CABCOCO1: variants seen among roughly 807,000 people sequenced by gnomAD.
CABCOCO1 encodes ciliary-associated calcium-binding coiled-coil protein 1.
Under a neutral mutation model 35.7 loss-of-function variants are expected in CABCOCO1, and 28 were observed. That is an observed-to-expected ratio of 0.78 (90% CI 0.58 to 1.07). The LOEUF is 1.07. Among genes scored for constraint, CABCOCO1 ranks in the 50% least tolerant of loss-of-function variants. The pLI, the probability that CABCOCO1 is intolerant of heterozygous loss-of-function variation, is 0.00. For synonymous variants in CABCOCO1, 95 were observed against 100.1 expected (o/e 0.95, Z 0.30); for missense variants, 326 against 309.2 (o/e 1.05, Z -0.41).
intron 5 of CABCOCO1, among the ~76,000 whole-genome samples, chr10:61,744,793 A>T (rs1841622013): frequency 4.6e-5 from 7 of 152,202 alleles, no homozygotes; most frequent in Admixed American, 4.6e-4. Flanking sequence ...GAAAAATGGC[A>T]AACACCATAG....
At chr10:61,670,477 C>A (rs995821955) in intron 1 of CABCOCO1, among the ~76,000 whole-genome samples, 3 of 151,980 alleles carry the variant, frequency 2.0e-5, no homozygotes, top group African/African-American at 7.3e-5. Context: ...ATTAGATTTT[C>A]AAAGATAAAA....
intron 5 of CABCOCO1, among the ~76,000 whole-genome samples, chr10:61,721,892 T>G (rs74661633): frequency 0.12 from 17,677 of 152,160 alleles, 1,373 homozygotes; most frequent in African/African-American, 0.19. Context: ...GAGAAAGATG[T>G]TGAACGTAAT....
chr10:61,711,726 C>T (rs1415727545), intron 5 of CABCOCO1, among the ~76,000 whole-genome samples: 1 of 151,912 alleles, frequency 6.6e-6, no homozygotes, highest in Non-Finnish European at 1.5e-5. Context: ...TAAAACAAGT[C>T]TAAATTAATT....
At position 61,686,085 on chromosome 10, in the gene CABCOCO1, G is replaced by C; in HGVS notation, c.379G>C (p.Val127Leu). ...LEESIKWLGE[V>L]MAEIGPTHSQ... Reference sequence around the variant, plus strand: ...GGAAAGCATAAAATGGCTTGGAGAAGTTATGGCTGAAATAGGACCAACACA... The same window carrying C: ...GGAAAGCATAAAATGGCTTGGAGAACTTATGGCTGAAATAGGACCAACACA... The change falls in exon 4 of 8, where the codon GTT becomes CTT. Residue 127 changes from valine to leucine, a missense_variant. By Grantham distance (32) the Val-to-Leu change is conservative. Transcript: ENST00000648843. 1 of 1,608,252 alleles carries C rather than the reference G, an allele frequency of 6.2e-7. No individual in the cohort carries two copies. Among genetic ancestry groups the C allele is most frequent in the Non-Finnish European group, 8.5e-7 (1 of 1,178,528 alleles).
At chr10:61,731,774 A>AGGAGGGAG (rs1227538653) in intron 5 of CABCOCO1, among the ~76,000 whole-genome samples, 2 of 84,282 alleles carry the variant, frequency 2.4e-5, no homozygotes, top group Non-Finnish European at 4.5e-5. Flanking sequence ...GAGGAAGGGA[A>AGGAGGGAG]GGAGGGAGGG....
At chr10:61,664,968 G>A in intron 1 of CABCOCO1, among the ~76,000 whole-genome samples, 1 of 152,104 alleles carries the variant, frequency 6.6e-6, no homozygotes, top group East Asian at 1.9e-4. Context: ...ATCGCTTATG[G>A]TGTCATTTCT....
chr10:61,763,064 T>C (rs1842038670), intron 7 of CABCOCO1, among the ~76,000 whole-genome samples: 1 of 152,092 alleles, frequency 6.6e-6, no homozygotes, highest in African/African-American at 2.4e-5. Context: ...TATATGCTAT[T>C]TGAACACACC....
intron 5 of CABCOCO1, among the ~76,000 whole-genome samples, chr10:61,705,422 T>C (rs927179488): frequency 1.3e-5 from 2 of 152,232 alleles, no homozygotes; most frequent in Non-Finnish European, 2.9e-5. Flanking sequence ...GCATTCCCAG[T>C]ACTCTGGAGA....
chr10:61,765,207 T>C lies in CABCOCO1; in HGVS notation c.817-732T>C, dbSNP rs112245301. ...GTCAACCACCACTGCTTTTTCTGTA[T>C]GTAATTTTATTATCCCTTGTGAAAA... is the stretch of plus-strand genomic sequence containing the variant. On this transcript the variant is annotated intron_variant, in intron 7 of 7. Coordinates refer to ENST00000648843, the MANE Select transcript of CABCOCO1 (RefSeq NM_001366906.2). Among the ~76,000 whole-genome samples, 974 of 152,262 alleles carry C rather than the reference T, an allele frequency of 6.4e-3. 8 individuals carry two copies. Among genetic ancestry groups the C allele is most frequent in the African/African-American group, 0.021 (866 of 41,558 alleles).
chr10:61,760,215 C>T (rs748762315), intron 6 of CABCOCO1, 34 bp downstream of exon 6: 1 of 1,600,184 alleles, frequency 6.2e-7, no homozygotes, highest in South Asian at 1.1e-5. Flanking sequence ...TTCACCCTAC[C>T]TCATCATTAT....
intron 5 of CABCOCO1, among the ~76,000 whole-genome samples, chr10:61,729,096 T>C (rs963885855): frequency 6.6e-6 from 1 of 151,922 alleles, no homozygotes; most frequent in Admixed American, 6.6e-5. Context: ...GAACTAAGGG[T>C]TTTAAGACAA....
intron 5 of CABCOCO1, among the ~76,000 whole-genome samples, chr10:61,753,336 G>A (rs1238461246): frequency 6.6e-6 from 1 of 152,000 alleles, no homozygotes; most frequent in Non-Finnish European, 1.5e-5. Context: ...TACTCTGAGT[G>A]GCTTGTAAAA....
At position 61,690,700 on chromosome 10, in the gene CABCOCO1, T is replaced by A. The variant is rs925900485; in HGVS notation, c.552+79T>A. 22 of 836,176 alleles carry A rather than the reference T, an allele frequency of 2.6e-5. No individual in the cohort carries two copies. The African/African-American group carries it at 3.6e-4, about 14-fold the overall frequency. The allele number at this position is 836,176 out of a possible 1,614,324, so 51.8% of individuals were successfully genotyped here. A position where few individuals can be genotyped will look rare whatever the true frequency, so the allele number is the denominator to read the frequency against. The stretch of plus-strand genomic sequence containing the variant: ...GATCAGCATCTGGATCTTTAACTGC[T>A]TAAAGCAACTTCTTGTCAAGATTAT... On this transcript the variant is annotated intron_variant, in intron 5 of 7. Transcript: ENST00000648843.
chr10:61,723,935 G>T (rs1184990287), intron 5 of CABCOCO1, among the ~76,000 whole-genome samples: 1 of 152,140 alleles, frequency 6.6e-6, no homozygotes, highest in Non-Finnish European at 1.5e-5. Flanking sequence ...AAAGCCCAGA[G>T]AATCGGTTGA....
In CABCOCO1 at chr10:61,766,280, T is replaced by C. The variant is rs929827203; in HGVS notation, c.*267T>C. 4.3e-6 allele frequency: 1 copy of C among 230,336 alleles called. No homozygotes were observed. The highest frequency in any genetic ancestry group is 8.5e-6 in the Non-Finnish European group (1 of 118,292). 14.3% of individuals were successfully genotyped at this position (230,336 alleles called of 1,614,324 possible). On this transcript the variant is annotated 3_prime_UTR_variant, in exon 8 of 8. Transcript: ENST00000648843. ...GAAAAATTATATATAAAAATACAAT[T>C]ACTTTTATGATAGTCCTTTGACGTT...
chr10:61,720,915 T>A, intron 5 of CABCOCO1, among the ~76,000 whole-genome samples: 1 of 117,930 alleles, frequency 8.5e-6, no homozygotes, highest in East Asian at 2.2e-4. Flanking sequence ...TTTCTTTTCA[T>A]TCTTTTTTTT....
intron 5 of CABCOCO1, among the ~76,000 whole-genome samples, chr10:61,697,040 A>G (rs1196390534): frequency 1.3e-5 from 2 of 152,158 alleles, no homozygotes; most frequent in African/African-American, 2.4e-5. Context: ...ATGCAAGAAA[A>G]CATAGCTGTA....
At chr10:61,702,474 G>A (rs1316133428) in intron 5 of CABCOCO1, among the ~76,000 whole-genome samples, 1 of 152,108 alleles carries the variant, frequency 6.6e-6, no homozygotes, top group Non-Finnish European at 1.5e-5. Context: ...GATAAATGCA[G>A]TTGTTTATAA....
chr10:61,729,317 A>G (rs1443093177), intron 5 of CABCOCO1, among the ~76,000 whole-genome samples: 1 of 152,162 alleles, frequency 6.6e-6, no homozygotes, highest in Non-Finnish European at 1.5e-5. Context: ...AGTTTAAGAC[A>G]TTTCTACAAT....
Sources: gnomAD v4.1 joint callset for allele counts (sites outside exome capture counted in the v4.1 genomes callset) on GRCh38, gnomAD v4.1.1 for gene constraint, MANE v1.5 for transcripts, NCBI Gene and HGNC (gene_info 2026-07-23, HGNC 2026-07-21) for gene names.